Variants in LMO7 observed in about 807,000 individuals in gnomAD.
LMO7 encodes the protein LIM domain only protein 7.
A neutral mutation model predicts 206.5 loss-of-function variants in LMO7; 120 were observed. The ratio of observed to expected loss-of-function variants is 0.58; its 90% CI spans 0.50 to 0.68. The LOEUF (loss-of-function observed/expected upper bound fraction) is 0.68. Ranked by LOEUF, LMO7 falls within the 30% of genes least tolerant of loss-of-function variation. The pLI, the probability that LMO7 is intolerant of heterozygous loss-of-function variation, is 0.00. For missense variants in LMO7, 1,959 were observed against 1,957.9 expected (o/e 1.00, Z -0.01); for synonymous variants, 706 against 681.5 (o/e 1.04, Z -0.56).
intron 28 of LMO7, among the ~76,000 whole-genome samples, chr13:75,853,731 T>C (rs2139683932): frequency 6.6e-6 from 1 of 152,324 alleles, no homozygotes; most frequent in Admixed American, 6.5e-5. Flanking sequence ...AGCTCACGAA[T>C]GCTTCTCAAA....
chr13:75,853,022 GA>G, intron 27 of LMO7, 69 bp from the exon 28 acceptor site: 2 of 1,265,290 alleles, frequency 1.6e-6, no homozygotes, highest in Non-Finnish European at 2.2e-6. Context: ...TTAATGAATG[GA>G]ATGATGAATT....
intron 3 of LMO7, among the ~76,000 whole-genome samples, chr13:75,746,100 A>T (rs1007282736): frequency 2.0e-5 from 3 of 152,116 alleles, no homozygotes; most frequent in Admixed American, 1.3e-4. Context: ...CCACGTTTTG[A>T]TGGAAGAGTG....
chr13:75,691,398 T>A (rs1281081694), intron 1 of LMO7, among the ~76,000 whole-genome samples: 1 of 152,208 alleles, frequency 6.6e-6, no homozygotes, highest in Non-Finnish European at 1.5e-5. Context: ...TTGGCCTGAC[T>A]TAACAGTAAA....
At chr13:75,783,572 C>T (rs2051907515) in intron 4 of LMO7, among the ~76,000 whole-genome samples, 1 of 152,164 alleles carries the variant, frequency 6.6e-6, no homozygotes. Context: ...ATTACCCCAC[C>T]TCATCCTCTC....
exon 1 of LMO7, chr13:75,620,914 G>A (rs1224371761): frequency 6.6e-6 from 1 of 151,358 alleles, no homozygotes; most frequent in African/African-American, 2.4e-5. Flanking sequence ...AAATATAGTG[G>A]CTGTACAAAA....
rs1207944349 is a variant in LMO7, at chr13:75,809,193, G to A, written c.1946+10G>A. 6.2e-7 allele frequency: 1 copy of A among 1,609,496 alleles called. No individual in the cohort carries two copies. The highest frequency in any genetic ancestry group is 2.2e-5 in the East Asian group (1 of 44,796). ...TTTATGGTGAGAATGGGTAAGTTGT[G>A]TGGTTCACAGTAAAAAATCTGTGCG... On this transcript the variant is annotated intron_variant, in intron 11 of 30. Coordinates refer to ENST00000377534, the MANE Select transcript of LMO7 (RefSeq NM_001306080.2).
At chr13:75,765,764 G>A (rs1180710718) in intron 4 of LMO7, among the ~76,000 whole-genome samples, 6 of 152,130 alleles carry the variant, frequency 3.9e-5, no homozygotes, top group Non-Finnish European at 7.4e-5. Flanking sequence ...AATAATTCAA[G>A]TTTTGTCTAT....
At chr13:75,780,557 C>CA (rs1405504166) in intron 4 of LMO7, among the ~76,000 whole-genome samples, 2 of 152,132 alleles carry the variant, frequency 1.3e-5, no homozygotes, top group Admixed American at 6.6e-5. Flanking sequence ...GTTGTTCAAA[C>CA]ACACATGCTC....
At chr13:75,838,372 A>C in intron 20 of LMO7, 176 bp downstream of exon 20, 1 of 1,459,622 alleles carries the variant, frequency 6.9e-7, no homozygotes, top group Non-Finnish European at 9.1e-7. Context: ...CTTACAGTTC[A>C]TGGGTCTACC....
chr13:75,621,708 G>A, exon 1 of LMO7: 1 of 1,591,652 alleles, frequency 6.3e-7, no homozygotes, highest in Non-Finnish European at 8.6e-7. Flanking sequence ...AGAAAATTAG[G>A]ATATGCCATA....
In LMO7 at chr13:75,626,577, T is replaced by TATATATATATATATATATATA. The variant is rs71127564; in HGVS notation, c.225+3257_225+3258insATATATATATATATATATATA. 4.4e-3 allele frequency among the ~76,000 whole-genome samples: 326 copies of TATATATATATATATATATATA among 74,294 alleles called. 28 individuals carry two copies. The highest frequency in any genetic ancestry group is 5.5e-3 in the African/African-American group (126 of 22,850). The allele number at this position is 74,294 out of a possible 152,430, so 48.7% of individuals were successfully genotyped here. On this transcript the variant is annotated intron_variant, in intron 2 of 29. Transcript: ENST00000341547. ...ATTGTCTACCCTCTTAACATATATA[T>TATATATATATATATATATATA]TATATATATATATATAAATTTTTTT...
chr13:75,837,089 T>G (rs943005444), intron 19 of LMO7, among the ~76,000 whole-genome samples: 2 of 152,230 alleles, frequency 1.3e-5, no homozygotes, highest in African/African-American at 4.8e-5. Context: ...AGACCTCTTC[T>G]GCCATGAACC....
At chr13:75,635,027 AC>A (rs201869634), upstream of LMO7, among the ~76,000 whole-genome samples, 18 of 150,438 alleles carry the variant, frequency 1.2e-4, no homozygotes, top group South Asian at 2.1e-4. Flanking sequence ...ACAAAACAAA[AC>A]AAAACAAAAC....
upstream of LMO7, among the ~76,000 whole-genome samples, chr13:75,632,862 G>GTTTTTTTTTTTTTTTTTTTTTTTTTT (rs10690832): frequency 2.6e-3 from 269 of 102,130 alleles, 30 homozygotes; most frequent in Middle Eastern, 7.0e-3. Context: ...TTACTTAAAA[G>GTTTTTTTTTTTTTTTTTTTTTTTTTT]TTTTTTTTTT....
intron 3 of LMO7, among the ~76,000 whole-genome samples, chr13:75,757,786 G>T (rs2047791768): frequency 7.1e-6 from 1 of 140,456 alleles, no homozygotes; most frequent in African/African-American, 2.6e-5. Context: ...AGGGCTCATT[G>T]TTTCTGTGTG....
rs1480771406 is a variant in LMO7, at chr13:75,636,669, G to A, written c.12G>A (p.Leu4=). 4 of 1,607,250 alleles carry A rather than the reference G, an allele frequency of 2.5e-6. No individual in the cohort carries two copies. Among genetic ancestry groups the A allele is most frequent in the Non-Finnish European group, 2.5e-6 (3 of 1,177,754 alleles). Residue 4 remains leucine (L), a synonymous_variant, in exon 1 of 31, where the codon CTG becomes CTA. Transcript: ENST00000377534. MEG[L]EEAEANCSVA... is the part of the protein sequence containing the mutation. ...CCCTTGTCCTAGCCATGGAAGGGCT[G>A]GAGGAGGCAGAGGCCAACTGCTCCG...
chr13:75,816,221 G>C (rs1379573085), intron 11 of LMO7, among the ~76,000 whole-genome samples: 1 of 152,206 alleles, frequency 6.6e-6, no homozygotes, highest in Non-Finnish European at 1.5e-5. Flanking sequence ...CAACATCTTG[G>C]AAGGCAAAAT....
At chr13:75,708,473 A>G (rs2042819595) in intron 1 of LMO7, among the ~76,000 whole-genome samples, 1 of 152,186 alleles carries the variant, frequency 6.6e-6, no homozygotes, top group South Asian at 2.1e-4. Flanking sequence ...GAATTGCCAG[A>G]TTATAAGTGT....
rs972053141 is a variant in LMO7, at chr13:75,858,969, G to T, written c.*1026G>T. 1 of 152,196 alleles carries T rather than the reference G, an allele frequency of 6.6e-6. No homozygotes were observed. Among genetic ancestry groups the T allele is most frequent in the African/African-American group, 2.4e-5 (1 of 41,464 alleles). 9.4% of individuals were successfully genotyped at this position (152,196 alleles called of 1,614,324 possible). On this transcript the variant is annotated 3_prime_UTR_variant, in exon 31 of 31. Coordinates refer to ENST00000377534, the MANE Select transcript of LMO7 (RefSeq NM_001306080.2). ...AATATATTTGTATGGTGAGAGTGATGAATTGTTGGATCATTTGAATAAAAT... is the reference window on the plus strand; with the variant it reads ...AATATATTTGTATGGTGAGAGTGATTAATTGTTGGATCATTTGAATAAAAT...
Sources: allele counts gnomAD v4.1 joint callset (sites outside exome capture counted in the v4.1 genomes callset), GRCh38; gene constraint gnomAD v4.1.1; transcripts MANE v1.5; gene names NCBI Gene and HGNC (gene_info 2026-07-23, HGNC 2026-07-21).